The following GTF2H5 variants were observed in gnomAD, a reference collection of about 807,000 sequenced individuals.
GTF2H5 encodes the protein general transcription factor IIH subunit 5.
Under a neutral mutation model 7.1 loss-of-function variants are expected in GTF2H5, and 5 were observed. That is an observed-to-expected ratio of 0.71 (90% CI 0.37 to 1.49). GTF2H5 has a LOEUF of 1.49. Ranked by LOEUF, GTF2H5 falls within the 40% of genes most tolerant of loss-of-function variation. The pLI is 0.03. For missense variants in GTF2H5, 80 were observed against 83.0 expected (o/e 0.96, Z 0.14); for synonymous variants, 30 against 31.7 (o/e 0.95, Z 0.18).
In GTF2H5 at chr6:158,170,462, T is replaced by A; in HGVS notation, c.-34-8T>A. 1 of 1,534,642 alleles carries A rather than the reference T, an allele frequency of 6.5e-7. No individual in the cohort carries two copies. The highest frequency in any genetic ancestry group is 9.0e-7 in the Non-Finnish European group (1 of 1,107,490). ...TTTAATTTAATGTTACCTTACTCTT[T>A]TTATTAGCATTCTTCAGGTCATCTG... On this transcript the variant is annotated splice_polypyrimidine_tract_variant and splice_region_variant and intron_variant, in intron 1 of 2. Coordinates refer to ENST00000607778, the MANE Select transcript of GTF2H5 (RefSeq NM_207118.3).
At chr6:158,191,927 G>C (rs1777035024) in intron 2 of GTF2H5, 50 bp from the exon 3 acceptor site, 1 of 1,402,636 alleles carries the variant, frequency 7.1e-7, no homozygotes, top group Admixed American at 1.7e-5. Context: ...AAGTCTCTGT[G>C]ATGTGATTTG....
At chr6:158,169,094 C>T (rs903255378) in intron 1 of GTF2H5, among the ~76,000 whole-genome samples, 6 of 150,804 alleles carry the variant, frequency 4.0e-5, no homozygotes, top group Admixed American at 6.7e-5. Context: ...TTTGGCCTGG[C>T]GTGGTGGCGG....
intron 2 of GTF2H5, among the ~76,000 whole-genome samples, chr6:158,179,072 A>G (rs1344372875): frequency 1.3e-5 from 2 of 152,188 alleles, no homozygotes; most frequent in South Asian, 2.1e-4. Flanking sequence ...ATGGCTAGCC[A>G]GTTTTCCCGA....
intron 2 of GTF2H5, among the ~76,000 whole-genome samples, chr6:158,181,163 T>C (rs1272688005): frequency 2.0e-5 from 3 of 152,202 alleles, no homozygotes; most frequent in Non-Finnish European, 1.5e-5. Flanking sequence ...TTGTTCAGTT[T>C]CCATGTAGTT....
At chr6:158,172,747 T>G (rs1221091920) in intron 2 of GTF2H5, among the ~76,000 whole-genome samples, 1 of 152,230 alleles carries the variant, frequency 6.6e-6, no homozygotes, top group Non-Finnish European at 1.5e-5. Flanking sequence ...CTTCCCACAT[T>G]CATCTTTCTT....
chr6:158,169,688 A>G lies in GTF2H5; in HGVS notation c.-34-782A>G, dbSNP rs187468247. Among the ~76,000 whole-genome samples the G allele has an allele frequency of 1.7e-3, 83 of 49,804 alleles. 9 individuals are homozygous for G. The highest frequency in any genetic ancestry group is 0.01 in the African/African-American group (63 of 6,280). The allele number at this position is 49,804 out of a possible 152,430, so 32.7% of individuals were successfully genotyped here. A position where few individuals can be genotyped will look rare whatever the true frequency, so the allele number is the denominator to read the frequency against. On this transcript the variant is annotated intron_variant, in intron 1 of 2. Transcript: ENST00000607778. ...TATTGTATATTATATAATATATAAT[A>G]TATATTATATAATATATTGTATATT...
rs895756519 is a variant in GTF2H5 at position 158,174,346 on chromosome 6, T to A, written c.35+3808T>A. Among the ~76,000 whole-genome samples, 3 of 152,240 alleles carry A rather than the reference T, an allele frequency of 2.0e-5. No homozygotes were observed. In the South Asian group the frequency reaches 6.2e-4, roughly 31 times the overall value. On this transcript the variant is annotated intron_variant, in intron 2 of 2. Transcript: ENST00000607778. ...TCCATTTCTATCAGTTAAGTTTAACTGATTTTGAGTCTGCAGAGATTTGCT... is the reference window on the plus strand; with the variant it reads ...TCCATTTCTATCAGTTAAGTTTAACAGATTTTGAGTCTGCAGAGATTTGCT...
rs1777118470 is a variant in GTF2H5 at position 158,196,635 on chromosome 6, AT to A, written c.*4479del. 6.6e-6 allele frequency: 1 copy of A among 152,250 alleles called. No individual in the cohort carries two copies. The highest frequency in any genetic ancestry group is 6.5e-5 in the Admixed American group (1 of 15,286). The allele number at this position is 152,250 out of a possible 1,614,324, so 9.4% of individuals were successfully genotyped here. A position where few individuals can be genotyped will look rare whatever the true frequency, so the allele number is the denominator to read the frequency against. The stretch of plus-strand genomic sequence containing the variant: ...TAAATAGAGCCCCTGTCAGAACAAT[AT>A]GAATTCTGCTAAAACTGAAGCAAGA... On this transcript the variant is annotated 3_prime_UTR_variant, in exon 3 of 3. Coordinates refer to ENST00000607778, the MANE Select transcript of GTF2H5 (RefSeq NM_207118.3).
chr6:158,195,884 A>G lies in GTF2H5; in HGVS notation c.*3727A>G, dbSNP rs1158475230. 6.6e-6 allele frequency: 1 copy of G among 152,220 alleles called. No homozygotes were observed. 9.4% of individuals were successfully genotyped at this position (152,220 alleles called of 1,614,324 possible). A position where few individuals can be genotyped will look rare whatever the true frequency, so the allele number is the denominator to read the frequency against. On this transcript the variant is annotated 3_prime_UTR_variant, in exon 3 of 3. Coordinates refer to ENST00000607778, the MANE Select transcript of GTF2H5 (RefSeq NM_207118.3). ...TCAATAAATATTCTCAAGTGTACGT[A>G]GCTCAATTTCATTTGCAGCAAAGAT...
rs1387480495 is a variant in GTF2H5, at chr6:158,197,867, T to G, written c.*5710T>G. 6.6e-6 allele frequency: 1 copy of G among 152,214 alleles called. No homozygotes were observed. Among genetic ancestry groups the G allele is most frequent in the Non-Finnish European group, 1.5e-5 (1 of 68,038 alleles). The allele number at this position is 152,214 out of a possible 1,614,324, so 9.4% of individuals were successfully genotyped here. ...ATCCCTGAAGGGCACCTGTTTTTCT[T>G]CAGCTAATAAAAAAGACATGGTTAA... is the stretch of plus-strand genomic sequence containing the variant. On this transcript the variant is annotated 3_prime_UTR_variant, in exon 3 of 3. Transcript: ENST00000607778.
chr6:158,183,626 C>G (rs1190559487), intron 2 of GTF2H5, among the ~76,000 whole-genome samples: 1 of 152,226 alleles, frequency 6.6e-6, no homozygotes, highest in Non-Finnish European at 1.5e-5. Flanking sequence ...CCCCTCCCCC[C>G]ACCAAGCTCC....
chr6:158,178,313 C>T (rs769366530), intron 2 of GTF2H5, among the ~76,000 whole-genome samples: 15 of 152,070 alleles, frequency 9.9e-5, no homozygotes, highest in Middle Eastern at 3.4e-3. Flanking sequence ...GGTGAAACCC[C>T]GTCTCTATTA....
intron 2 of GTF2H5, 85 bp downstream of exon 2, chr6:158,170,623 T>G: frequency 1.0e-6 from 1 of 967,166 alleles, no homozygotes; most frequent in South Asian, 1.3e-5. Context: ...ACCCTGTTGT[T>G]TTTAAGATAT....
In GTF2H5 at chr6:158,195,845, G is replaced by C. The variant is rs1011311994; in HGVS notation, c.*3688G>C. On this transcript the variant is annotated 3_prime_UTR_variant, in exon 3 of 3. Transcript: ENST00000607778. The stretch of plus-strand genomic sequence containing the variant: ...ATTTTAAAGATGGAGAAATGATGCA[G>C]TTTGCAAATATAGTCAATAAATATT... 6.6e-6 allele frequency: 1 copy of C among 152,200 alleles called. No homozygotes were observed. Among genetic ancestry groups the C allele is most frequent in the Non-Finnish European group, 1.5e-5 (1 of 68,038 alleles). 9.4% of individuals were successfully genotyped at this position (152,200 alleles called of 1,614,324 possible).
intron 2 of GTF2H5, among the ~76,000 whole-genome samples, chr6:158,175,044 G>GTGTGTGTATATA: frequency 7.0e-6 from 1 of 142,794 alleles, no homozygotes; most frequent in Non-Finnish European, 1.5e-5. Context: ...GTGTGTGTGT[G>GTGTGTGTATATA]TATACACACA....
At chr6:158,169,763 A>ATTATATATTATATAATATATTGTATATT (rs1785811118) in intron 1 of GTF2H5, among the ~76,000 whole-genome samples, 1 of 115,514 alleles carries the variant, frequency 8.7e-6, no homozygotes, top group Non-Finnish European at 1.7e-5. Context: ...TATATTGTAT[A>ATTATATATTATATAATATATTGTATATT]TTATATATAA....
chr6:158,194,497 A>G lies in GTF2H5; in HGVS notation c.*2340A>G, dbSNP rs1054397594. ...TTCCAGGTGCAGGGGCTCTAAATCT[A>G]TCATAAGATGTCAGGTGTGGGGGCT... On this transcript the variant is annotated 3_prime_UTR_variant, in exon 3 of 3. Transcript: ENST00000607778. 12 of 152,256 alleles carry G rather than the reference A, an allele frequency of 7.9e-5. No homozygotes were observed. Among genetic ancestry groups the G allele is most frequent in the Admixed American group, 4.6e-4 (7 of 15,286 alleles). The allele number at this position is 152,256 out of a possible 1,614,324, so 9.4% of individuals were successfully genotyped here. A position where few individuals can be genotyped will look rare whatever the true frequency, so the allele number is the denominator to read the frequency against.
intron 2 of GTF2H5, among the ~76,000 whole-genome samples, 185 bp from the exon 3 acceptor site, chr6:158,191,792 A>G (rs1583639204): frequency 6.6e-6 from 1 of 152,148 alleles, no homozygotes; most frequent in East Asian, 1.9e-4. Context: ...AACTTACACT[A>G]ATAGTTCTAA....
rs569914323 is a variant in GTF2H5 at position 158,195,339 on chromosome 6, T to G, written c.*3182T>G. 6.6e-6 allele frequency: 1 copy of G among 152,252 alleles called. No individual in the cohort carries two copies. Among genetic ancestry groups the G allele is most frequent in the South Asian group, 2.1e-4 (1 of 4,828 alleles). The allele number at this position is 152,252 out of a possible 1,614,324, so 9.4% of individuals were successfully genotyped here. On this transcript the variant is annotated 3_prime_UTR_variant, in exon 3 of 3. Transcript: ENST00000607778. ...AAGTTGTGATATTGAGTGTTATATT[T>G]CTCAATAAAGGTTTTTTCTTTTAAT...
Sources: allele counts gnomAD v4.1 joint callset (sites outside exome capture counted in the v4.1 genomes callset), GRCh38; gene constraint gnomAD v4.1.1; transcripts MANE v1.5; gene names NCBI Gene and HGNC (gene_info 2026-07-23, HGNC 2026-07-21).